NRF1: variants seen among roughly 807,000 people sequenced by gnomAD.
The protein encoded by NRF1 is nuclear respiratory factor 1.
A neutral mutation model predicts 58.5 loss-of-function variants in NRF1; 5 were observed. The observed-to-expected ratio is 0.09, with a 90% CI of 0.04 to 0.18. NRF1 has a LOEUF of 0.18. NRF1 is among the 10% of genes least tolerant of loss of function. The pLI is 1.00. For missense variants in NRF1, 288 were observed against 657.7 expected (o/e 0.44, Z 6.15); for synonymous variants, 224 against 246.7 (o/e 0.91, Z 0.86).
At chr7:129,725,138 A>G (rs1803421214) in intron 9 of NRF1, among the ~76,000 whole-genome samples, 1 of 152,184 alleles carries the variant, frequency 6.6e-6, no homozygotes, top group South Asian at 2.1e-4. Context: ...AGGAAGTTTA[A>G]TGGTCCAGTT....
At chr7:129,694,995 A>G (rs1230463754) in intron 5 of NRF1, among the ~76,000 whole-genome samples, 1 of 152,250 alleles carries the variant, frequency 6.6e-6, no homozygotes, top group Non-Finnish European at 1.5e-5. Flanking sequence ...CGAGCAGCAT[A>G]GCCCAAAAGA....
At chr7:129,671,887 T>C (rs1802056316) in intron 3 of NRF1, among the ~76,000 whole-genome samples, 1 of 152,048 alleles carries the variant, frequency 6.6e-6, no homozygotes, top group Non-Finnish European at 1.5e-5. Context: ...ATATGTCAGC[T>C]GATGATAAGT....
At chr7:129,748,192 T>C (rs1804025165) in intron 10 of NRF1, among the ~76,000 whole-genome samples, 1 of 140,242 alleles carries the variant, frequency 7.1e-6, no homozygotes, top group Admixed American at 8.0e-5. Flanking sequence ...GGAGAATCAC[T>C]TGAACCTGGG....
intron 10 of NRF1, among the ~76,000 whole-genome samples, chr7:129,750,387 C>T (rs1424096237): frequency 6.6e-6 from 1 of 152,218 alleles, no homozygotes; most frequent in Non-Finnish European, 1.5e-5. Flanking sequence ...CCAGCCCCTC[C>T]CCCTTTCCCT....
chr7:129,723,149 A>C (rs1458631906), intron 9 of NRF1, among the ~76,000 whole-genome samples: 1 of 152,040 alleles, frequency 6.6e-6, no homozygotes, highest in Non-Finnish European at 1.5e-5. Flanking sequence ...ATAGGTAATT[A>C]ATAAAATTTC....
In NRF1 at chr7:129,755,164, G is replaced by A. The variant is rs1043354897; in HGVS notation, c.1495G>A (p.Val499Met). The A allele has an allele frequency of 1.9e-6, 3 of 1,611,462 alleles. No homozygotes were observed. The highest frequency in any genetic ancestry group is 1.7e-6 in the Non-Finnish European group (2 of 1,179,100). Reference sequence around the variant, plus strand: ...CATGGACGGCCAAGCTGTGGAGGTGGTGACATTGGAACAGTGACATACAGC... The same window carrying A: ...CATGGACGGCCAAGCTGTGGAGGTGATGACATTGGAACAGTGACATACAGC... ...VTMDGQAVEV[V>M]TLEQ The change falls in exon 11 of 11, where the codon GTG becomes ATG. Residue 499 changes from valine (V) to methionine (M), a missense_variant. Val to Met is a conservative substitution (Grantham distance 21). Around this residue, in one of 3 missense-constraint regions of NRF1, gnomAD observed 28 missense variants for 32.6 expected, o/e 0.86. Transcript: ENST00000393232. This position sits in a 1 kb window ranked among gnomAD's most constrained non-coding sequence, Gnocchi z 5.8.
At chr7:129,722,789 GC>G (rs1480739682) in intron 9 of NRF1, among the ~76,000 whole-genome samples, 1 of 152,176 alleles carries the variant, frequency 6.6e-6, no homozygotes, top group Admixed American at 6.5e-5. Context: ...TCCCTTCACT[GC>G]CCATGAAACT....
At chr7:129,616,735 T>C (rs182611204) in intron 1 of NRF1, among the ~76,000 whole-genome samples, 62 of 152,314 alleles carry the variant, frequency 4.1e-4, no homozygotes, top group African/African-American at 1.3e-3. Flanking sequence ...CCAGATCTGG[T>C]AGTCTGCCTT....
At chr7:129,708,986 C>G (rs1803011399) in intron 5 of NRF1, 89 bp from the exon 6 acceptor site, 33 of 1,149,324 alleles carry the variant, frequency 2.9e-5, no homozygotes, top group Non-Finnish European at 3.6e-5. Flanking sequence ...CTGGAAACCT[C>G]TCTGTTTTAT....
chr7:129,647,742 G>A (rs1347767049), intron 1 of NRF1, among the ~76,000 whole-genome samples: 1 of 152,148 alleles, frequency 6.6e-6, no homozygotes, highest in African/African-American at 2.4e-5. Context: ...TTGTTAACTG[G>A]ATTATCGTGT....
intron 3 of NRF1, 40 bp from the exon 4 acceptor site, chr7:129,677,592 T>C: frequency 1.2e-6 from 2 of 1,607,618 alleles, no homozygotes; most frequent in Non-Finnish European, 1.7e-6. Flanking sequence ...AATTTCCGTC[T>C]TTTTAAAACT....
At chr7:129,708,775 A>G (rs1000278841) in intron 5 of NRF1, among the ~76,000 whole-genome samples, 12 of 152,200 alleles carry the variant, frequency 7.9e-5, no homozygotes, top group African/African-American at 2.9e-4. Context: ...GAAATAAGCT[A>G]TAGTACCAGT....
intron 10 of NRF1, among the ~76,000 whole-genome samples, chr7:129,752,251 G>T (rs777616747): frequency 8.5e-5 from 13 of 152,168 alleles, no homozygotes; most frequent in Non-Finnish European, 1.6e-4. Flanking sequence ...TCCACAAGGA[G>T]GGAAAGCTCA....
chr7:129,701,671 G>A (rs1417319174), intron 5 of NRF1, among the ~76,000 whole-genome samples: 2 of 152,024 alleles, frequency 1.3e-5, no homozygotes, highest in African/African-American at 4.8e-5. Flanking sequence ...GGTATTGTCT[G>A]GTACTCTTAG....
chr7:129,622,292 C>CA (rs1800816789), intron 1 of NRF1, among the ~76,000 whole-genome samples: 2 of 152,098 alleles, frequency 1.3e-5, no homozygotes, highest in Admixed American at 1.3e-4. Flanking sequence ...ACTTCACTGT[C>CA]AGATTTTGGA....
At chr7:129,727,150 A>G (rs2116249972) in intron 9 of NRF1, 91 bp from the exon 10 acceptor site, 2 of 1,360,226 alleles carry the variant, frequency 1.5e-6, no homozygotes, top group East Asian at 5.3e-5. Context: ...GTCAGTAGAA[A>G]GACCCAAGGA....
intron 1 of NRF1, among the ~76,000 whole-genome samples, chr7:129,650,456 T>G (rs762080509): frequency 1.3e-5 from 2 of 152,158 alleles, no homozygotes; most frequent in Non-Finnish European, 2.9e-5. Context: ...GGAGTTAATA[T>G]AGGGCTTTTT....
At chr7:129,726,551 A>G (rs997082943) in intron 9 of NRF1, among the ~76,000 whole-genome samples, 10 of 152,204 alleles carry the variant, frequency 6.6e-5, no homozygotes, top group Non-Finnish European at 1.2e-4. Flanking sequence ...TGTTGTAATT[A>G]TAGAGGCAAA....
chr7:129,749,136 G>A (rs1413458476), intron 10 of NRF1, among the ~76,000 whole-genome samples: 1 of 152,214 alleles, frequency 6.6e-6, no homozygotes, highest in Non-Finnish European at 1.5e-5. Flanking sequence ...TGATCTGAGA[G>A]GCATCACTTT....
Sources: gnomAD v4.1 joint callset for allele counts (sites outside exome capture counted in the v4.1 genomes callset) on GRCh38, gnomAD v4.1.1 for gene constraint, gnomAD v4.1.1 regional missense constraint, Gnocchi (gnomAD v3.1) non-coding constraint, MANE v1.5 for transcripts, NCBI Gene and HGNC (gene_info 2026-07-23, HGNC 2026-07-21) for gene names.